TOM1L2: variants seen among roughly 807,000 people sequenced by gnomAD.
TOM1L2 encodes target of myb1 like 2 membrane trafficking protein, also known as TOM1-like protein 2.
In TOM1L2, 31 loss-of-function variants were observed where a neutral mutation model predicts 67.9. That is an observed-to-expected ratio of 0.46 (90% CI 0.34 to 0.62). TOM1L2 has a LOEUF of 0.62. TOM1L2 is among the 20% of genes least tolerant of loss of function. TOM1L2 has a pLI of 0.01. For synonymous variants in TOM1L2, 256 were observed against 254.0 expected, an observed-to-expected ratio of 1.01 and a Z score of -0.07; for missense variants, 606 against 663.5, an observed-to-expected ratio of 0.91 and a Z score of 0.95.
intron 6 of TOM1L2, among the ~76,000 whole-genome samples, chr17:17,881,822 G>A (rs903196218): frequency 7.2e-5 from 11 of 152,134 alleles, no homozygotes; most frequent in Non-Finnish European, 2.9e-5. Flanking sequence ...TGAGGAACAC[G>A]ACACAACACT....
At chr17:17,965,289 A>T (rs1452244324) in intron 1 of TOM1L2, among the ~76,000 whole-genome samples, 2 of 152,140 alleles carry the variant, frequency 1.3e-5, no homozygotes, top group Non-Finnish European at 2.9e-5. Flanking sequence ...ATATGAAGCA[A>T]GCCCTCCACA....
At chr17:17,853,797 G>A (rs1385692803) in intron 12 of TOM1L2, among the ~76,000 whole-genome samples, 1 of 152,216 alleles carries the variant, frequency 6.6e-6, no homozygotes, top group African/African-American at 2.4e-5. Context: ...TCTATCCTAA[G>A]AAGCCTTAGA....
At chr17:17,932,522 A>G (rs2040373728) in intron 1 of TOM1L2, among the ~76,000 whole-genome samples, 1 of 152,114 alleles carries the variant, frequency 6.6e-6, no homozygotes, top group East Asian at 1.9e-4. Context: ...CAGCAGTGTA[A>G]AACTGTTTTA....
At chr17:17,949,847 T>A (rs575400156) in intron 1 of TOM1L2, among the ~76,000 whole-genome samples, 58 of 151,946 alleles carry the variant, frequency 3.8e-4, no homozygotes, top group African/African-American at 1.2e-3. Context: ...TCTCTCTCTA[T>A]TTTTTATTTT....
At chr17:17,949,975 A>G (rs952181951) in intron 1 of TOM1L2, among the ~76,000 whole-genome samples, 3 of 151,968 alleles carry the variant, frequency 2.0e-5, no homozygotes, top group Admixed American at 1.3e-4. Flanking sequence ...GGTTCACACC[A>G]TTCTCCCGCC....
chr17:17,950,886 A>G (rs2041174227), intron 1 of TOM1L2, among the ~76,000 whole-genome samples: 1 of 152,168 alleles, frequency 6.6e-6, no homozygotes, highest in African/African-American at 2.4e-5. Context: ...CCTAGGCCAG[A>G]GCCTTGGTGC....
intron 2 of TOM1L2, among the ~76,000 whole-genome samples, chr17:17,905,727 C>T (rs769753590): frequency 6.6e-6 from 1 of 152,098 alleles, no homozygotes; most frequent in Non-Finnish European, 1.5e-5. Flanking sequence ...CTGCATTGTC[C>T]TTGGCCTGCC....
chr17:17,945,221 TTA>T (rs1463451286), intron 1 of TOM1L2, among the ~76,000 whole-genome samples: 1 of 151,532 alleles, frequency 6.6e-6, no homozygotes, highest in Non-Finnish European at 1.5e-5. Context: ...ACCAACAAGG[TTA>T]AAAATTAGGT....
At chr17:17,934,902 C>T (rs2040460757) in intron 1 of TOM1L2, among the ~76,000 whole-genome samples, 1 of 152,158 alleles carries the variant, frequency 6.6e-6, no homozygotes, top group Non-Finnish European at 1.5e-5. Flanking sequence ...CCTGAGATTT[C>T]CTAATAGAGA....
chr17:17,937,501 AACCAGATGAAAC>A (rs2040555595), intron 1 of TOM1L2, among the ~76,000 whole-genome samples: 1 of 152,186 alleles, frequency 6.6e-6, no homozygotes, highest in East Asian at 1.9e-4. Context: ...GTCACATATG[AACCAGATGAAAC>A]AAAGGTTCTT....
At chr17:17,947,688 C>G (rs555274787) in intron 1 of TOM1L2, among the ~76,000 whole-genome samples, 3 of 152,230 alleles carry the variant, frequency 2.0e-5, no homozygotes, top group Admixed American at 2.0e-4. Flanking sequence ...TCATTTAATG[C>G]CCCGACACAT....
intron 7 of TOM1L2, among the ~76,000 whole-genome samples, chr17:17,875,255 CAAAAAGAA>C: frequency 8.6e-6 from 1 of 116,876 alleles, no homozygotes; most frequent in Non-Finnish European, 1.9e-5. Flanking sequence ...GACTCCTTCT[CAAAAAGAA>C]AAAAAGAAAA....
At chr17:17,906,789 C>T (rs1207068262) in intron 2 of TOM1L2, among the ~76,000 whole-genome samples, 1 of 152,186 alleles carries the variant, frequency 6.6e-6, no homozygotes, top group Non-Finnish European at 1.5e-5. Context: ...CTCTCCTTGC[C>T]ACTCCTGAAA....
At chr17:17,870,384 AG>A (rs2037088950) in intron 7 of TOM1L2, among the ~76,000 whole-genome samples, 1 of 152,166 alleles carries the variant, frequency 6.6e-6, no homozygotes, top group Non-Finnish European at 1.5e-5. Flanking sequence ...AATTCCTGCC[AG>A]GCCCCTTGCC....
chr17:17,923,020 G>C (rs967802334), intron 1 of TOM1L2, among the ~76,000 whole-genome samples: 1 of 152,164 alleles, frequency 6.6e-6, no homozygotes, highest in Admixed American at 6.5e-5. Flanking sequence ...CTATAAAAAG[G>C]CCTCAAAGAG....
At chr17:17,952,094 A>C (rs1304883867) in intron 1 of TOM1L2, among the ~76,000 whole-genome samples, 2 of 152,242 alleles carry the variant, frequency 1.3e-5, no homozygotes, top group Non-Finnish European at 2.9e-5. Context: ...GCCACTGCCC[A>C]CCAGGAGGAG....
chr17:17,871,108 C>A (rs9908017), intron 7 of TOM1L2, among the ~76,000 whole-genome samples: 15 of 152,070 alleles, frequency 9.9e-5, no homozygotes, highest in African/African-American at 3.6e-4. Flanking sequence ...TGGTGGCTCA[C>A]GCCTGTAATC....
chr17:17,946,441 T>G (rs1369214999), intron 1 of TOM1L2, among the ~76,000 whole-genome samples: 1 of 152,210 alleles, frequency 6.6e-6, no homozygotes, highest in Non-Finnish European at 1.5e-5. Flanking sequence ...TTCTGAACAT[T>G]TCTTATAAAT....
At chr17:17,909,794 C>CT (rs2039263286) in intron 1 of TOM1L2, among the ~76,000 whole-genome samples, 1 of 152,140 alleles carries the variant, frequency 6.6e-6, no homozygotes, top group Non-Finnish European at 1.5e-5. Context: ...CTTTGGGAGG[C>CT]TGAGGCAGGA....
Sources: gnomAD v4.1 joint callset for allele counts (sites outside exome capture counted in the v4.1 genomes callset) on GRCh38, gnomAD v4.1.1 for gene constraint, MANE v1.5 for transcripts, NCBI Gene and HGNC (gene_info 2026-07-23, HGNC 2026-07-21) for gene names.